The following FILIP1 variants were observed in gnomAD, a reference collection of about 807,000 sequenced individuals.
FILIP1 encodes the protein filamin A interacting protein 1, also known as filamin-A-interacting protein 1.
In FILIP1, 61 loss-of-function variants were observed where a neutral mutation model predicts 102.1. That is an observed-to-expected ratio of 0.60 (90% CI 0.49 to 0.74). The LOEUF (loss-of-function observed/expected upper bound fraction) is 0.74. FILIP1 is among the 30% of genes least tolerant of loss of function. The pLI is 0.00. For synonymous variants in FILIP1, 491 were observed against 526.9 expected, an observed-to-expected ratio of 0.93 and a Z score of 0.93; for missense variants, 1,314 against 1,441.2, an observed-to-expected ratio of 0.91 and a Z score of 1.43.
chr6:75,298,098 A>C (rs1464634194), intron 6 of FILIP1, among the ~76,000 whole-genome samples: 1 of 152,178 alleles, frequency 6.6e-6, no homozygotes, highest in African/African-American at 2.4e-5. Flanking sequence ...AGCATTTTGC[A>C]CAACTTAAGA....
chr6:75,340,349 A>G (rs1198961188), intron 4 of FILIP1, among the ~76,000 whole-genome samples: 1 of 152,160 alleles, frequency 6.6e-6, no homozygotes, highest in East Asian at 1.9e-4. Context: ...TAGACACTAG[A>G]TCAGGCCAGA....
At chr6:75,463,928 C>G (rs1779093782) in intron 1 of FILIP1, among the ~76,000 whole-genome samples, 1 of 151,924 alleles carries the variant, frequency 6.6e-6, no homozygotes, top group Non-Finnish European at 1.5e-5. Flanking sequence ...GGTAGGGGGA[C>G]AGCTGAAAAA....
intron 6 of FILIP1, chr6:75,297,129 A>C (rs1772703550): frequency 1.3e-5 from 2 of 152,178 alleles, no homozygotes; most frequent in South Asian, 4.1e-4. Context: ...CATATGGTAT[A>C]TGTTGTGAGT....
At chr6:75,319,733 G>C (rs371022443) in intron 4 of FILIP1, 1 of 323,190 alleles carries the variant, frequency 3.1e-6, no homozygotes, top group Non-Finnish European at 5.9e-6. Context: ...CGGAGGCTGA[G>C]GCAGGATAAT....
chr6:75,397,447 A>G (rs1365194791), intron 2 of FILIP1, among the ~76,000 whole-genome samples: 2 of 151,514 alleles, frequency 1.3e-5, no homozygotes, highest in African/African-American at 4.8e-5. Context: ...CTCATCTTAC[A>G]CATTGTTTTC....
In FILIP1 at chr6:75,414,627, G is replaced by C. The variant is rs556410396; in HGVS notation, c.276+70C>G. The C allele has an allele frequency of 8.4e-6, 12 of 1,425,310 alleles. No homozygotes were observed. The African/African-American group carries it at 1.3e-4, about 15-fold the overall frequency. 88.3% of individuals were successfully genotyped at this position (1,425,310 alleles called of 1,614,324 possible). A position where few individuals can be genotyped will look rare whatever the true frequency, so the allele number is the denominator to read the frequency against. The stretch of plus-strand genomic sequence containing the variant: ...AGTTCATTACTCAGAGAGGGGAACA[G>C]ATTTACATTCTCTTATTTTATAGCT... On this transcript the variant is annotated intron_variant, in intron 2 of 5. Coordinates refer to ENST00000237172, the MANE Select transcript of FILIP1 (RefSeq NM_015687.5).
intron 2 of FILIP1, among the ~76,000 whole-genome samples, chr6:75,397,323 C>G (rs894230192): frequency 1.3e-5 from 2 of 151,654 alleles, no homozygotes; most frequent in African/African-American, 4.8e-5. Flanking sequence ...ACTCTGTATG[C>G]AACATTGATC....
chr6:75,468,925 G>A (rs2808185), intron 1 of FILIP1, among the ~76,000 whole-genome samples: 9 of 151,846 alleles, frequency 5.9e-5, no homozygotes, highest in Admixed American at 5.3e-4. Context: ...AGTTAAACCT[G>A]CAATTTTATA....
intron 2 of FILIP1, among the ~76,000 whole-genome samples, chr6:75,413,119 T>C (rs1473728427): frequency 6.6e-6 from 1 of 152,140 alleles, no homozygotes; most frequent in Non-Finnish European, 1.5e-5. Context: ...TTAAATACTT[T>C]CCAGAGTTCA....
chr6:75,437,682 G>T (rs1778071787), intron 1 of FILIP1, among the ~76,000 whole-genome samples: 1 of 152,248 alleles, frequency 6.6e-6, no homozygotes, highest in African/African-American at 2.4e-5. Flanking sequence ...AACAAGGAGA[G>T]ATGTACTTAT....
At position 75,405,610 on chromosome 6, in the gene FILIP1, C is replaced by A. The variant is rs528839131; in HGVS notation, c.276+9087G>T. Among the ~76,000 whole-genome samples the A allele has an allele frequency of 3.9e-5, 6 of 152,204 alleles. No individual in the cohort carries two copies. The East Asian group carries it at 1.2e-3, about 30-fold the overall frequency. ...AGTTACTTCTATAGAAGGGTGTGCC[C>A]TTACAGATAGAGCAATGGTGAGTGC... On this transcript the variant is annotated intron_variant, in intron 2 of 5. Coordinates refer to ENST00000237172, the MANE Select transcript of FILIP1 (RefSeq NM_015687.5).
intron 1 of FILIP1, among the ~76,000 whole-genome samples, chr6:75,450,790 T>C (rs1407269702): frequency 6.6e-6 from 1 of 151,912 alleles, no homozygotes; most frequent in Non-Finnish European, 1.5e-5. Context: ...ACCATGTCTC[T>C]ACTAAAAATA....
At chr6:75,410,279 C>T (rs921678370) in intron 2 of FILIP1, among the ~76,000 whole-genome samples, 3 of 152,142 alleles carry the variant, frequency 2.0e-5, no homozygotes, top group African/African-American at 7.2e-5. Flanking sequence ...CTGAGAGTAA[C>T]TTATCTCATA....
At chr6:75,423,709 A>G (rs1271842452) in intron 1 of FILIP1, among the ~76,000 whole-genome samples, 1 of 152,276 alleles carries the variant, frequency 6.6e-6, no homozygotes, top group East Asian at 1.9e-4. Context: ...AAATTGGGCT[A>G]TGAAGTTTTG....
intron 6 of FILIP1, chr6:75,296,702 G>T (rs1198725412): frequency 2.6e-5 from 4 of 151,160 alleles, no homozygotes; most frequent in African/African-American, 9.8e-5. Flanking sequence ...GTTTCACCGT[G>T]TCAGCCAGGA....
At chr6:75,331,355 C>A (rs5008483) in intron 4 of FILIP1, among the ~76,000 whole-genome samples, 101,396 of 151,398 alleles carry the variant, frequency 0.67, 34,091 homozygotes, top group Middle Eastern at 0.74. Context: ...AGGGAACTCT[C>A]TGATTACACA....
intron 3 of FILIP1, among the ~76,000 whole-genome samples, chr6:75,361,427 A>T (rs1294893807): frequency 6.6e-6 from 1 of 152,050 alleles, no homozygotes; most frequent in Non-Finnish European, 1.5e-5. Context: ...CCCAAATGAG[A>T]CCATTTATCC....
At chr6:75,403,129 G>C (rs1024095108) in intron 2 of FILIP1, among the ~76,000 whole-genome samples, 6 of 152,122 alleles carry the variant, frequency 3.9e-5, no homozygotes, top group Non-Finnish European at 5.9e-5. Flanking sequence ...GATCAATGTA[G>C]GATTTCATGG....
At chr6:75,448,996 A>C (rs1778529236) in intron 1 of FILIP1, among the ~76,000 whole-genome samples, 1 of 152,186 alleles carries the variant, frequency 6.6e-6, no homozygotes, top group Non-Finnish European at 1.5e-5. Context: ...GAGGAAAATA[A>C]GGCATTATAC....
Sources: gnomAD v4.1 joint callset for allele counts (sites outside exome capture counted in the v4.1 genomes callset) on GRCh38, gnomAD v4.1.1 for gene constraint, MANE v1.5 for transcripts, NCBI Gene and HGNC (gene_info 2026-07-23, HGNC 2026-07-21) for gene names.